Variants in NPAS3 observed in about 807,000 individuals in gnomAD.
NPAS3 encodes the protein neuronal PAS domain-containing protein 3.
Under a neutral mutation model 73.1 loss-of-function variants are expected in NPAS3, and 14 were observed. The ratio of observed to expected loss-of-function variants is 0.19; its 90% CI spans 0.13 to 0.30. NPAS3 has a LOEUF of 0.30. Among genes scored for constraint, NPAS3 ranks in the 10% least tolerant of loss-of-function variants. The pLI is 1.00. For missense variants in NPAS3, 1,096 were observed against 1,250.0 expected, an observed-to-expected ratio of 0.88 and a Z score of 1.86; for synonymous variants, 620 against 541.5, an observed-to-expected ratio of 1.14 and a Z score of -2.01.
chr14:33,220,385 C>T (rs2047379444), intron 3 of NPAS3, among the ~76,000 whole-genome samples: 1 of 152,164 alleles, frequency 6.6e-6, no homozygotes, highest in African/African-American at 2.4e-5. Context: ...TTTACTAGGA[C>T]ATGGAAATGT....
At chr14:33,641,529 G>T (rs1179332924) in intron 5 of NPAS3, among the ~76,000 whole-genome samples, 5 of 152,176 alleles carry the variant, frequency 3.3e-5, no homozygotes, top group African/African-American at 1.2e-4. Context: ...CTAGGGGCTA[G>T]GGGGTGATTC....
intron 5 of NPAS3, among the ~76,000 whole-genome samples, chr14:33,657,675 C>A (rs1012062654): frequency 6.6e-6 from 1 of 152,106 alleles, no homozygotes; most frequent in African/African-American, 2.4e-5. Flanking sequence ...TTCCCTAGAC[C>A]CGGTTGCTGG....
intron 4 of NPAS3, among the ~76,000 whole-genome samples, chr14:33,440,615 A>G (rs2049202251): frequency 6.6e-6 from 1 of 152,116 alleles, no homozygotes; most frequent in Non-Finnish European, 1.5e-5. Flanking sequence ...AGTCTTGGCC[A>G]GGCGTGGTGG....
At chr14:33,504,815 T>C (rs191802740) in intron 4 of NPAS3, among the ~76,000 whole-genome samples, 51 of 152,140 alleles carry the variant, frequency 3.4e-4, no homozygotes, top group Non-Finnish European at 5.9e-5. Flanking sequence ...TTACAATTAC[T>C]GCTATGATAG....
At chr14:33,782,353 C>T (rs779892409) in intron 9 of NPAS3, among the ~76,000 whole-genome samples, 13 of 152,126 alleles carry the variant, frequency 8.5e-5, no homozygotes, top group East Asian at 1.9e-4. Flanking sequence ...AATTATGAGA[C>T]GTTTCAGTGC....
At chr14:33,518,330 G>A (rs866634156) in intron 4 of NPAS3, among the ~76,000 whole-genome samples, 8 of 152,050 alleles carry the variant, frequency 5.3e-5, no homozygotes, top group African/African-American at 1.9e-4. Flanking sequence ...CCTCTAGTTG[G>A]ATGGCAAGGT....
At chr14:33,284,460 T>A (rs1566757594) in intron 3 of NPAS3, among the ~76,000 whole-genome samples, 4 of 152,094 alleles carry the variant, frequency 2.6e-5, no homozygotes, top group African/African-American at 7.2e-5. Flanking sequence ...GGTAGGAAGC[T>A]GTACATGCAG....
intron 5 of NPAS3, among the ~76,000 whole-genome samples, chr14:33,629,903 G>C (rs986234076): frequency 6.6e-6 from 1 of 152,124 alleles, no homozygotes; most frequent in Non-Finnish European, 1.5e-5. Context: ...TTTGTGCAAT[G>C]AGCCAGCAAG....
intron 1 of NPAS3, among the ~76,000 whole-genome samples, chr14:33,022,565 T>C (rs1198094165): frequency 1.4e-5 from 2 of 147,548 alleles, no homozygotes; most frequent in Admixed American, 7.0e-5. Flanking sequence ...CTCTGGAGGC[T>C]GAGGCAGGAG....
intron 2 of NPAS3, among the ~76,000 whole-genome samples, chr14:33,137,877 A>C (rs183116617): frequency 4.6e-5 from 7 of 152,260 alleles, no homozygotes; most frequent in Admixed American, 3.3e-4. Context: ...TCTGTTGTGA[A>C]ATAGACTAGA....
chr14:33,134,645 A>C lies in NPAS3; in HGVS notation c.140+78651A>C, dbSNP rs1013318497. ...GTTTTCCATCAGCATAGGTGGCTTC[A>C]TGTAAGAGTAGTCACCTCTGCCTAC... is the stretch of plus-strand genomic sequence containing the variant. On this transcript the variant is annotated intron_variant, in intron 2 of 11. Transcript: ENST00000356141. 1.8e-4 allele frequency among the ~76,000 whole-genome samples: 27 copies of C among 152,236 alleles called. 1 individual carries two copies. Among genetic ancestry groups the C allele is most frequent in the African/African-American group, 6.5e-4 (27 of 41,544 alleles).
chr14:33,088,500 C>G (rs550119002), intron 2 of NPAS3, among the ~76,000 whole-genome samples: 25 of 152,184 alleles, frequency 1.6e-4, no homozygotes, highest in Admixed American at 1.1e-3. Context: ...TAGGGGTGCC[C>G]GCCATTGCTG....
At chr14:33,038,532 TATATACAC>T (rs1014052544) in intron 1 of NPAS3, among the ~76,000 whole-genome samples, 7 of 100,740 alleles carry the variant, frequency 6.9e-5, no homozygotes, top group Admixed American at 1.1e-4. Context: ...TATACACACA[TATATACAC>T]ATATATATAT....
intron 2 of NPAS3, among the ~76,000 whole-genome samples, chr14:33,145,225 G>C (rs1320355392): frequency 6.6e-6 from 1 of 152,102 alleles, no homozygotes; most frequent in African/African-American, 2.4e-5. Flanking sequence ...GTATATGTAT[G>C]AAAATTTTTC....
At chr14:33,287,768 T>C (rs975242869) in intron 3 of NPAS3, among the ~76,000 whole-genome samples, 2 of 152,098 alleles carry the variant, frequency 1.3e-5, no homozygotes, top group African/African-American at 2.4e-5. Flanking sequence ...AGAAAATGGA[T>C]ACTGAGACCA....
intron 2 of NPAS3, among the ~76,000 whole-genome samples, chr14:33,124,172 G>C (rs752903820): frequency 6.6e-6 from 1 of 151,974 alleles, no homozygotes; most frequent in Non-Finnish European, 1.5e-5. Flanking sequence ...GTTTTATAGA[G>C]GAAAGATTGT....
intron 2 of NPAS3, among the ~76,000 whole-genome samples, chr14:33,064,951 GA>G (rs1183521426): frequency 6.6e-6 from 1 of 151,796 alleles, no homozygotes; most frequent in Admixed American, 6.6e-5. Context: ...TTATTTGGGG[GA>G]AGCTGGAAGC....
At chr14:33,599,133 AT>A (rs879461499) in intron 5 of NPAS3, among the ~76,000 whole-genome samples, 7 of 151,940 alleles carry the variant, frequency 4.6e-5, no homozygotes, top group Non-Finnish European at 1.0e-4. Context: ...ACATTTCCAT[AT>A]TTTTGCATGT....
chr14:33,732,599 C>G (rs2061427676), intron 6 of NPAS3, among the ~76,000 whole-genome samples: 1 of 152,182 alleles, frequency 6.6e-6, no homozygotes, highest in South Asian at 2.1e-4. Flanking sequence ...TCATCAGAAA[C>G]CAGTCTCTTT....
Sources: gnomAD v4.1 joint callset for allele counts (sites outside exome capture counted in the v4.1 genomes callset) on GRCh38, gnomAD v4.1.1 for gene constraint, MANE v1.5 for transcripts, NCBI Gene and HGNC (gene_info 2026-07-23, HGNC 2026-07-21) for gene names.